MAML3: variants seen among roughly 807,000 people sequenced by gnomAD.
The protein encoded by MAML3 is mastermind like transcriptional coactivator 3.
Under a neutral mutation model 101.9 loss-of-function variants are expected in MAML3, and 27 were observed. The ratio of observed to expected loss-of-function variants is 0.27; its 90% confidence interval spans 0.20 to 0.37. The LOEUF is 0.37. Among genes scored for constraint, MAML3 ranks in the 10% least tolerant of loss-of-function variants. The probability of loss-of-function intolerance (pLI) is 1.00; values close to 1 mark genes in which losing one functional copy is unlikely to be tolerated. For missense variants in MAML3, 1,316 were observed against 1,444.9 expected (o/e 0.91, Z 1.45); for synonymous variants, 501 against 555.9 (o/e 0.90, Z 1.39).
intron 1 of MAML3, among the ~76,000 whole-genome samples, chr4:140,120,079 T>C (rs1578694560): frequency 1.3e-5 from 2 of 151,174 alleles, no homozygotes; most frequent in African/African-American, 4.9e-5. Flanking sequence ...CTACTAAAAA[T>C]ACAAAAAATT....
At chr4:139,841,481 C>T (rs1731359567) in intron 2 of MAML3, among the ~76,000 whole-genome samples, 1 of 152,222 alleles carries the variant, frequency 6.6e-6, no homozygotes. Context: ...CTTGCTGCTT[C>T]CAACAGGAGA....
chr4:140,062,424 G>A (rs1412880773), intron 1 of MAML3, among the ~76,000 whole-genome samples: 1 of 152,052 alleles, frequency 6.6e-6, no homozygotes, highest in Non-Finnish European at 1.5e-5. Flanking sequence ...GATATTCTTG[G>A]GGCAGGGCCA....
At chr4:140,069,656 A>G (rs1219256528) in intron 1 of MAML3, among the ~76,000 whole-genome samples, 2 of 150,592 alleles carry the variant, frequency 1.3e-5, no homozygotes, top group African/African-American at 4.9e-5. Context: ...GAGGAGGAGA[A>G]GGAGAAGGAG....
intron 2 of MAML3, among the ~76,000 whole-genome samples, chr4:139,773,396 G>A (rs768659226): frequency 9.2e-4 from 140 of 152,304 alleles, no homozygotes; most frequent in Non-Finnish European, 1.5e-3. Flanking sequence ...AACTGCAAAA[G>A]GGTATCACTA....
intron 1 of MAML3, among the ~76,000 whole-genome samples, chr4:140,091,046 T>C (rs1215133532): frequency 6.8e-6 from 1 of 145,996 alleles, no homozygotes; most frequent in Non-Finnish European, 1.5e-5. Flanking sequence ...CGAGATTCTG[T>C]CTCAAAACCA....
chr4:140,030,444 G>A (rs140302326), intron 1 of MAML3, among the ~76,000 whole-genome samples: 1 of 152,264 alleles, frequency 6.6e-6, no homozygotes, highest in East Asian at 1.9e-4. Context: ...ACAAAATTCA[G>A]TTTTATTTAC....
chr4:140,067,997 C>G (rs757648093), intron 1 of MAML3, among the ~76,000 whole-genome samples: 53 of 152,178 alleles, frequency 3.5e-4, no homozygotes, highest in Admixed American at 5.2e-4. Context: ...TCCCAAAGTG[C>G]TGGAATTATA....
Position 139,858,250 on chromosome 4 carries a change from C to T in MAML3, c.2079+31107G>A, listed in dbSNP as rs6536524. On this transcript the variant is annotated intron_variant, in intron 2 of 4. Coordinates refer to ENST00000509479, the MANE Select transcript of MAML3 (RefSeq NM_018717.5). ...GTGCTTTACACTGATTCATTATGCA[C>T]CTACTTTTGATTTGATAGATTTTGA... is the stretch of plus-strand genomic sequence containing the variant. 5.6e-3 allele frequency among the ~76,000 whole-genome samples: 851 copies of T among 152,308 alleles called. 13 individuals are homozygous for T. The highest frequency in any genetic ancestry group is 0.019 in the African/African-American group (803 of 41,564).
rs371037324 is a variant in MAML3, at chr4:140,140,330, T to TA, written c.468+12529dup. Among the ~76,000 whole-genome samples the TA allele has an allele frequency of 2.4e-3, 358 of 149,068 alleles. 4 individuals carry two copies. Among genetic ancestry groups the TA allele is most frequent in the African/African-American group, 7.7e-3 (314 of 40,676 alleles). Reference sequence around the variant, plus strand: ...CAGGGTGAGATTCCGTCTCAAAAAATAAAAAAAAAATTAAAATTAAAATAA... The same window carrying TA: ...CAGGGTGAGATTCCGTCTCAAAAAATAAAAAAAAAAATTAAAATTAAAATAA... On this transcript the variant is annotated intron_variant, in intron 1 of 4. Coordinates refer to ENST00000509479, the MANE Select transcript of MAML3 (RefSeq NM_018717.5).
intron 1 of MAML3, among the ~76,000 whole-genome samples, chr4:139,957,352 G>A (rs1733932795): frequency 6.6e-6 from 1 of 152,224 alleles, no homozygotes; most frequent in Non-Finnish European, 1.5e-5. Flanking sequence ...AGCAAGTTAG[G>A]AATCAAATCC....
chr4:140,017,316 A>T (rs1320384652), intron 1 of MAML3, among the ~76,000 whole-genome samples: 1 of 152,200 alleles, frequency 6.6e-6, no homozygotes, highest in African/African-American at 2.4e-5. Context: ...ACTGGCAAAG[A>T]TTTAGAGAAA....
chr4:139,889,109 G>A, intron 2 of MAML3: 3 of 737,318 alleles, frequency 4.1e-6, no homozygotes, highest in Admixed American at 1.9e-5. Flanking sequence ...CTTATCTGCA[G>A]TTGGGAATAA....
chr4:139,828,879 T>C (rs768780851), intron 2 of MAML3, among the ~76,000 whole-genome samples: 86 of 151,862 alleles, frequency 5.7e-4, no homozygotes, highest in African/African-American at 1.9e-3. Context: ...TAAGAATAGG[T>C]GATTCCACGC....
intron 2 of MAML3, among the ~76,000 whole-genome samples, chr4:139,804,507 T>C (rs1185322893): frequency 6.6e-6 from 1 of 152,090 alleles, no homozygotes; most frequent in Non-Finnish European, 1.5e-5. Flanking sequence ...CCTCAAGTGA[T>C]CTACCCACTT....
intron 1 of MAML3, among the ~76,000 whole-genome samples, chr4:140,083,852 C>T (rs763603688): frequency 4.6e-5 from 7 of 151,748 alleles, no homozygotes; most frequent in African/African-American, 1.5e-4. Flanking sequence ...GCCTTAAGTT[C>T]GCCCCAACAC....
At chr4:139,768,908 A>G (rs1201161325) in intron 2 of MAML3, among the ~76,000 whole-genome samples, 4 of 152,168 alleles carry the variant, frequency 2.6e-5, no homozygotes, top group Non-Finnish European at 2.9e-5. Flanking sequence ...ATAGGATGTG[A>G]CTGTTTAAAT....
intron 1 of MAML3, among the ~76,000 whole-genome samples, chr4:140,109,648 A>G (rs1728408290): frequency 1.3e-5 from 2 of 152,238 alleles, no homozygotes; most frequent in South Asian, 4.1e-4. Flanking sequence ...CCTAGAGCTT[A>G]TAACAGAAAG....
At chr4:139,728,962 TGAG>T (rs1265861000) in intron 3 of MAML3, among the ~76,000 whole-genome samples, 1 of 152,006 alleles carries the variant, frequency 6.6e-6, no homozygotes, top group Non-Finnish European at 1.5e-5. Context: ...TGGGATTGGC[TGAG>T]GAGAGGATTT....
chr4:140,038,765 A>G (rs965922800), intron 1 of MAML3, among the ~76,000 whole-genome samples: 1 of 152,220 alleles, frequency 6.6e-6, no homozygotes, highest in African/African-American at 2.4e-5. Context: ...AAGCTCGGCT[A>G]TTATTATTCA....
Sources: gnomAD v4.1 joint callset for allele counts (sites outside exome capture counted in the v4.1 genomes callset) on GRCh38, gnomAD v4.1.1 for gene constraint, MANE v1.5 for transcripts, NCBI Gene and HGNC (gene_info 2026-07-23, HGNC 2026-07-21) for gene names.